The following ATM variants were observed in gnomAD, a reference collection of about 807,000 sequenced individuals.
ATM encodes the protein ATM serine/threonine kinase.
In ATM, 308 loss-of-function variants were observed where a neutral mutation model predicts 387.0. The observed-to-expected ratio is 0.80, with a 90% CI of 0.73 to 0.87. The LOEUF is 0.87. Among genes scored for constraint, ATM ranks in the 40% least tolerant of loss-of-function variants. The probability of loss-of-function intolerance (pLI) is 0.00; values close to 1 mark genes in which losing one functional copy is unlikely to be tolerated. For synonymous variants in ATM, 1,156 were observed against 1,187.3 expected (o/e 0.97, Z 0.54); for missense variants, 3,312 against 3,560.9 (o/e 0.93, Z 1.78).
intron 13 of ATM, among the ~76,000 whole-genome samples, chr11:108,254,694 C>G (rs1173096502): frequency 6.6e-6 from 1 of 152,138 alleles, no homozygotes; most frequent in African/African-American, 2.4e-5. Flanking sequence ...GCTCTGTTGC[C>G]CAGGCTGGAG....
Position 108,283,752 on chromosome 11 carries a change from G to A in ATM, c.3747-475G>A, listed in dbSNP as rs964453559. Among the ~76,000 whole-genome samples, 4 of 152,246 alleles carry A rather than the reference G, an allele frequency of 2.6e-5. 1 individual carries two copies. Among genetic ancestry groups the A allele is most frequent in the South Asian group, 4.1e-4 (2 of 4,826 alleles). On this transcript the variant is annotated intron_variant, in intron 25 of 62. Coordinates refer to ENST00000675843, the MANE Select transcript of ATM (RefSeq NM_000051.4). ...ACCAAGTTGGCCCTGCAGAACCCAC[G>A]TATATGAAAAGTCAGTCCTCTGTAT...
chr11:108,287,688 A>G lies in ATM; in HGVS notation c.4082A>G (p.Gln1361Arg), dbSNP rs141921797. Reference protein sequence around the residue: ...LHEPANSSASQSTDLCDFSGD... With the variant: ...LHEPANSSASRSTDLCDFSGD... ...GAGCCAGCAAATTCTAGTGCCAGTC[A>G]GAGCACTGACCTCTGTGACTTTTCA... The change falls in exon 27 of 63, where the codon CAG (glutamine) becomes CGG (arginine). Residue 1361 changes from glutamine (Q) to arginine (R), a missense_variant. Gln to Arg is a conservative substitution (Grantham distance 43, BLOSUM62 1). This residue lies in a region of ATM where 1,791 missense variants were observed against 1,804.5 expected (regional missense o/e 0.99). Coordinates refer to ENST00000675843, the MANE Select transcript of ATM (RefSeq NM_000051.4). The G allele has an allele frequency of 5.5e-5, 89 of 1,613,460 alleles. No homozygotes were observed. In the African/African-American group the frequency reaches 1.1e-3, roughly 19 times the overall value.
chr11:108,324,925 A>T (rs2085496442), intron 45 of ATM, among the ~76,000 whole-genome samples: 1 of 152,216 alleles, frequency 6.6e-6, no homozygotes, highest in Non-Finnish European at 1.5e-5. Flanking sequence ...TTCCTTGCTG[A>T]CATGTCCTCA....
chr11:108,340,199 A>C (rs985516342), intron 56 of ATM: 5 of 152,302 alleles, frequency 3.3e-5, no homozygotes, highest in Admixed American at 2.6e-4. Flanking sequence ...AAACATACAA[A>C]AGGAGACAAT....
intron 17 of ATM, among the ~76,000 whole-genome samples, chr11:108,268,209 A>G (rs1310255393): frequency 6.6e-6 from 1 of 151,790 alleles, no homozygotes; most frequent in African/African-American, 2.4e-5. Flanking sequence ...TTTTTTTCTC[A>G]TATTTTAAAT....
rs28942103 is a variant in ATM at position 108,334,988 on chromosome 11, A to G, written c.8030A>G (p.Tyr2677Cys). The G allele has an allele frequency of 6.2e-7, 1 of 1,613,542 alleles. No individual in the cohort carries two copies. The highest frequency in any genetic ancestry group is 8.5e-7 in the Non-Finnish European group (1 of 1,179,498). Reference sequence around the variant, plus strand: ...TATTAGGTGGACCACACAGGAGAATATGGAAATCTGGTGACTATACAGTCA... The same window carrying G: ...TATTAGGTGGACCACACAGGAGAATGTGGAAATCTGGTGACTATACAGTCA... ...MEIKVDHTGEYGNLVTIQSFK... is the reference protein window; with the variant it reads ...MEIKVDHTGECGNLVTIQSFK... Residue 2677 changes from tyrosine to cysteine, a missense_variant, in exon 55 of 63, where the codon TAT (tyrosine) becomes TGT (cysteine). Around this residue, in one of 4 missense-constraint regions of ATM, gnomAD observed 1,405 missense variants for 1,604.4 expected, o/e 0.88. Coordinates refer to ENST00000675843, the MANE Select transcript of ATM (RefSeq NM_000051.4).
At chr11:108,260,025 C>G (rs1213722218) in intron 16 of ATM, among the ~76,000 whole-genome samples, 1 of 140,022 alleles carries the variant, frequency 7.1e-6, no homozygotes. Flanking sequence ...GAAAGCTTAT[C>G]TGCTCTTTTT....
At chr11:108,332,707 G>T in intron 52 of ATM, 55 bp from the exon 53 acceptor site, 1 of 1,569,478 alleles carries the variant, frequency 6.4e-7, no homozygotes, top group South Asian at 1.1e-5. Flanking sequence ...CTAACTCTGA[G>T]AAGTTTAAAT....
At position 108,304,743 on chromosome 11, in the gene ATM, T is replaced by G. The variant is rs1565481888; in HGVS notation, c.5565T>G (p.Asn1855Lys). 1 of 1,614,112 alleles carries G rather than the reference T, an allele frequency of 6.2e-7. No homozygotes were observed. The highest frequency in any genetic ancestry group is 2.2e-5 in the East Asian group (1 of 44,870). ...LIHDILLQDT[N>K]ESWRNLLSTH... The stretch of plus-strand genomic sequence containing the variant: ...ATGATATTTTACTCCAAGATACAAA[T>G]GAATCATGGAGAAATCTGCTTTCTA... Residue 1855 changes from asparagine to lysine, a missense_variant, in exon 37 of 63, where the codon AAT (asparagine) becomes AAG (lysine). Physicochemically the swap from Asn to Lys is moderately conservative, Grantham distance 94. This residue lies in a region of ATM where 1,405 missense variants were observed against 1,604.4 expected (regional missense o/e 0.88). Transcript: ENST00000675843.
At chr11:108,261,562 A>T (rs956215578) in intron 16 of ATM, among the ~76,000 whole-genome samples, 1 of 152,118 alleles carries the variant, frequency 6.6e-6, no homozygotes, top group Non-Finnish European at 1.5e-5. Flanking sequence ...TGGAAACTCT[A>T]AAAAGCAGAG....
Position 108,335,879 on chromosome 11 carries a change from AAC to A in ATM, c.8188_8189del (p.Gln2730GlyfsTer6). ...GACCTGAGACAAGATGCTGTCATGC[AAC>A]AGGTCTTCCAGATGTGTAATACATT... On this transcript the variant is annotated frameshift_variant, in exon 56 of 63. Coordinates refer to ENST00000675843, the MANE Select transcript of ATM (RefSeq NM_000051.4). LOFTEE classifies it high-confidence loss of function. The A allele has an allele frequency of 6.2e-7, 1 of 1,614,092 alleles. No individual in the cohort carries two copies. The highest frequency in any genetic ancestry group is 8.5e-7 in the Non-Finnish European group (1 of 1,179,976).
intron 1 of ATM, chr11:108,227,220 G>T (rs906985791): frequency 5.7e-6 from 1 of 174,956 alleles, no homozygotes; most frequent in African/African-American, 2.4e-5. Context: ...TCACCATGTT[G>T]GTCAGGCTGG....
At chr11:108,274,768 G>A (rs2081842732) in intron 22 of ATM, among the ~76,000 whole-genome samples, 1 of 152,134 alleles carries the variant, frequency 6.6e-6, no homozygotes, top group African/African-American at 2.4e-5. Flanking sequence ...ATTTGCTGAG[G>A]TTTGTTTTAC....
intron 45 of ATM, among the ~76,000 whole-genome samples, chr11:108,322,619 G>A (rs1334294123): frequency 6.6e-6 from 1 of 152,182 alleles, no homozygotes; most frequent in African/African-American, 2.4e-5. Context: ...AGTTACTCAG[G>A]ATGCTGTAGA....
intron 7 of ATM, among the ~76,000 whole-genome samples, chr11:108,246,523 G>C (rs1165192720): frequency 6.6e-6 from 1 of 152,194 alleles, no homozygotes; most frequent in Non-Finnish European, 1.5e-5. Flanking sequence ...AGCATTTTAA[G>C]TTGACTGGAA....
At chr11:108,300,350 T>C (rs985993204) in intron 34 of ATM, among the ~76,000 whole-genome samples, 1 of 152,220 alleles carries the variant, frequency 6.6e-6, no homozygotes, top group Non-Finnish European at 1.5e-5. Flanking sequence ...TTACTTATTC[T>C]CTGTGCAAAG....
At chr11:108,300,078 G>A (rs1402341106) in intron 34 of ATM, among the ~76,000 whole-genome samples, 193 bp downstream of exon 34, 6 of 152,036 alleles carry the variant, frequency 3.9e-5, no homozygotes, top group Non-Finnish European at 2.9e-5. Context: ...TTGATATAAT[G>A]GTGAACATTC....
chr11:108,317,509 G>A lies in ATM; in HGVS notation c.6335G>A (p.Cys2112Tyr), dbSNP rs1591790360. Reference sequence around the variant, plus strand: ...TGGAGGAATATGCAGTGGGACCATTGCACTTCCGTCAGGTAAGAAATTTGA... The same window carrying A: ...TGGAGGAATATGCAGTGGGACCATTACACTTCCGTCAGGTAAGAAATTTGA... Reference protein sequence around the residue: ...AAWRNMQWDHCTSVSKEVEGT... With the variant: ...AAWRNMQWDHYTSVSKEVEGT... The change falls in exon 43 of 63, where the codon TGC (cysteine) becomes TAC (tyrosine). Residue 2112 changes from cysteine (C) to tyrosine (Y), a missense_variant. Physicochemically the swap from Cys to Tyr is radical, Grantham distance 194. This residue lies in a region of ATM where 1,405 missense variants were observed against 1,604.4 expected (regional missense o/e 0.88). Transcript: ENST00000675843. 2 of 1,607,284 alleles carry A rather than the reference G, an allele frequency of 1.2e-6. No homozygotes were observed. The highest frequency in any genetic ancestry group is 2.7e-5 in the African/African-American group (2 of 73,418).
At chr11:108,255,645 C>G (rs761802064) in intron 13 of ATM, among the ~76,000 whole-genome samples, 1 of 151,962 alleles carries the variant, frequency 6.6e-6, no homozygotes, top group African/African-American at 2.4e-5. Context: ...AGGTTGGTCT[C>G]GAACTCCTGA....
Sources: allele counts gnomAD v4.1 joint callset (sites outside exome capture counted in the v4.1 genomes callset), GRCh38; gene constraint gnomAD v4.1.1; regional missense constraint gnomAD v4.1.1; transcripts MANE v1.5; gene names NCBI Gene and HGNC (gene_info 2026-07-23, HGNC 2026-07-21).